AMOT: variants seen among roughly 807,000 people sequenced by gnomAD.
The protein encoded by AMOT is angiomotin.
In AMOT, 11 loss-of-function variants were observed where a neutral mutation model predicts 67.0. That is an observed-to-expected ratio of 0.16 (90% confidence interval 0.10 to 0.27). AMOT has a LOEUF of 0.27. Among genes scored for constraint, AMOT ranks in the 10% least tolerant of loss-of-function variants. The probability of loss-of-function intolerance (pLI) is 1.00; values close to 1 mark genes in which losing one functional copy is unlikely to be tolerated. For synonymous variants in AMOT, 326 were observed against 321.4 expected (o/e 1.01, Z -0.15); for missense variants, 753 against 852.0 (o/e 0.88, Z 1.45).
At chrX:112,819,166 G>A (rs915051590) in intron 4 of AMOT, among the ~76,000 whole-genome samples, 2 of 111,358 alleles carry the variant, frequency 1.8e-5, no homozygotes, top group African/African-American at 6.5e-5. Context: ...CTGCCACCTC[G>A]ATGACTGGGA....
rs774085254 is a variant in AMOT at position 112,830,091 on chromosome X, T to C, written c.-212+2203A>G. ...CTTATATTTTATTTTACAAGTAATA[T>C]AAGCACAGCATGCATTTATTTTTAA... On this transcript the variant is annotated intron_variant, in intron 2 of 13. Coordinates refer to ENST00000371959, the MANE Select transcript of AMOT (RefSeq NM_001113490.2). 5.3e-5 allele frequency among the ~76,000 whole-genome samples: 6 copies of C among 112,450 alleles called. No homozygotes were observed. In the East Asian group the frequency reaches 1.7e-3, roughly 31 times the overall value.
At chrX:112,790,820 G>A (rs988528628) in intron 9 of AMOT, 38 bp from the exon 10 acceptor site, 483 of 1,103,172 alleles carry the variant, frequency 4.4e-4, no homozygotes, top group Non-Finnish European at 5.5e-4. Context: ...AAGTTAGTGA[G>A]AGAAGAACCA....
intron 7 of AMOT, among the ~76,000 whole-genome samples, chrX:112,806,213 G>A (rs982297313): frequency 2.8e-5 from 3 of 108,431 alleles, no homozygotes; most frequent in African/African-American, 6.7e-5. Context: ...GTTGCAGTAA[G>A]CCGAGATAGC....
At chrX:112,801,847 A>G (rs1395900831) in intron 8 of AMOT, among the ~76,000 whole-genome samples, 1 of 112,710 alleles carries the variant, frequency 8.9e-6, no homozygotes, top group Non-Finnish European at 1.9e-5. Context: ...AGGCTGAGAA[A>G]AATAGTCTCC....
Position 112,811,256 on chromosome X carries a change from A to G in AMOT, c.1530T>C (p.Asp510=), listed in dbSNP as rs778173414. Residue 510 remains aspartate (D), a synonymous_variant, in exon 6 of 14, where the codon GAT becomes GAC. Transcript: ENST00000371959. ...EIRRMHDFNR[D]LRERLETANK... ...GTCTGTTGGTTCCCTCACCTCTCAG[A>G]TCCCTGTTGAAATCATGCATCCTCC... 3.3e-6 allele frequency: 4 copies of G among 1,210,654 alleles called. No individual in the cohort carries two copies. The South Asian group carries it at 7.0e-5, about 21-fold the overall frequency.
rs1236047380 is a variant in AMOT, at chrX:112,777,302, G to A, written c.*1265C>T. On this transcript the variant is annotated 3_prime_UTR_variant, in exon 14 of 14. Coordinates refer to ENST00000371959, the MANE Select transcript of AMOT (RefSeq NM_001113490.2). ...TCCTTGGAGGCAGCCCTATGGCAAG[G>A]CTTGGAGCCATTGCCTCCTTTGATC... is the stretch of plus-strand genomic sequence containing the variant. 9.0e-6 allele frequency: 1 copy of A among 111,675 alleles called. No homozygotes were observed. The allele number at this position is 111,675 out of a possible 1,213,427, so 9.2% of individuals were successfully genotyped here. A position where few individuals can be genotyped will look rare whatever the true frequency, so the allele number is the denominator to read the frequency against.
At chrX:112,779,818 ATAT>A (rs959896206) in intron 12 of AMOT, 138 bp from the exon 13 acceptor site, 11 of 262,462 alleles carry the variant, frequency 4.2e-5, no homozygotes, top group South Asian at 2.4e-4. Context: ...AATATTTAAA[ATAT>A]TATTATTTTT....
chrX:112,781,236 T>C, intron 11 of AMOT, 118 bp from the exon 12 acceptor site: 1 of 633,889 alleles, frequency 1.6e-6, no homozygotes, highest in South Asian at 2.7e-5. Context: ...AGTCAGGAGT[T>C]CGAGACCAGC....
chrX:112,792,917 A>T (rs981082135), intron 8 of AMOT, among the ~76,000 whole-genome samples: 3 of 110,192 alleles, frequency 2.7e-5, no homozygotes, highest in African/African-American at 1.0e-4. Flanking sequence ...TTATAAGCAA[A>T]AGCTTGACTA....
intron 5 of AMOT, among the ~76,000 whole-genome samples, chrX:112,813,402 C>G (rs1357413994): frequency 9.0e-6 from 1 of 111,304 alleles, no homozygotes; most frequent in Non-Finnish European, 1.9e-5. Flanking sequence ...AGCCTCAGGC[C>G]TTTTCATTTC....
intron 2 of AMOT, among the ~76,000 whole-genome samples, chrX:112,831,332 C>T (rs963218045): frequency 1.8e-5 from 2 of 110,131 alleles, no homozygotes; most frequent in African/African-American, 3.3e-5. Context: ...CTCAACTCTG[C>T]TCAACATGGA....
intron 8 of AMOT, among the ~76,000 whole-genome samples, chrX:112,798,713 A>G (rs1162025485): frequency 3.6e-5 from 4 of 112,639 alleles, no homozygotes; most frequent in Non-Finnish European, 3.7e-5. Flanking sequence ...CCCAGTCAAG[A>G]TAAGAATTTC....
At position 112,776,924 on chromosome X, in the gene AMOT, G is replaced by A; in HGVS notation, c.*1643C>T. The A allele has an allele frequency of 9.0e-6, 1 of 111,440 alleles. No individual in the cohort carries two copies. Among genetic ancestry groups the A allele is most frequent in the East Asian group, 2.8e-4 (1 of 3,556 alleles). 9.2% of individuals were successfully genotyped at this position (111,440 alleles called of 1,213,427 possible). On this transcript the variant is annotated 3_prime_UTR_variant, in exon 14 of 14. Transcript: ENST00000371959. ...AAGAGTTTCCCAAAATAAGCATGGT[G>A]ATTGGCATAATGGTTAGCTGTGTTG...
chrX:112,796,967 C>T (rs1426844712), intron 8 of AMOT, among the ~76,000 whole-genome samples: 2 of 112,041 alleles, frequency 1.8e-5, no homozygotes, highest in South Asian at 3.8e-4. Context: ...ATGTCAGGAA[C>T]GCTGAGGTTC....
At chrX:112,796,033 T>A (rs777837778) in intron 8 of AMOT, among the ~76,000 whole-genome samples, 5 of 99,753 alleles carry the variant, frequency 5.0e-5, no homozygotes, top group African/African-American at 1.5e-4. Flanking sequence ...TTCAGAAGTT[T>A]AAAAAAAAAA....
chrX:112,824,121 A>G (rs973402889), intron 3 of AMOT, among the ~76,000 whole-genome samples: 2 of 112,079 alleles, frequency 1.8e-5, no homozygotes. Flanking sequence ...CTATTGGTTT[A>G]CAGGGTATAC....
chrX:112,831,365 C>A lies in AMOT; in HGVS notation c.-212+929G>T, dbSNP rs1363743981. Among the ~76,000 whole-genome samples the A allele has an allele frequency of 2.7e-5, 3 of 109,955 alleles. No homozygotes were observed. The East Asian group carries it at 8.4e-4, about 31-fold the overall frequency. Reference sequence around the variant, plus strand: ...GGAAAATGAATTCTCTATGATGACACTTATCACAGCAAATTTTCCATAAAC... The same window carrying A: ...GGAAAATGAATTCTCTATGATGACAATTATCACAGCAAATTTTCCATAAAC... On this transcript the variant is annotated intron_variant, in intron 2 of 13. Coordinates refer to ENST00000371959, the MANE Select transcript of AMOT (RefSeq NM_001113490.2).
At chrX:112,837,952 A>G (rs902468627) in intron 1 of AMOT, among the ~76,000 whole-genome samples, 2 of 111,709 alleles carry the variant, frequency 1.8e-5, no homozygotes, top group Non-Finnish European at 3.8e-5. Flanking sequence ...AGGCTCCAGT[A>G]CGACCACACA....
chrX:112,812,112 G>C (rs1934386790), intron 5 of AMOT, among the ~76,000 whole-genome samples: 1 of 112,115 alleles, frequency 8.9e-6, no homozygotes, highest in Non-Finnish European at 1.9e-5. Flanking sequence ...ATAAAGTACA[G>C]ACAAGGAAGA....
Sources: gnomAD v4.1 joint callset for allele counts (sites outside exome capture counted in the v4.1 genomes callset) on GRCh38, gnomAD v4.1.1 for gene constraint, MANE v1.5 for transcripts, NCBI Gene and HGNC (gene_info 2026-07-23, HGNC 2026-07-21) for gene names.